The following LRRC34 variants were observed in gnomAD, a reference collection of about 807,000 sequenced individuals.
LRRC34 encodes the protein leucine rich repeat containing 34, also known as leucine-rich repeat-containing protein 34.
In LRRC34, 44 loss-of-function variants were observed where a neutral mutation model predicts 48.5. The observed-to-expected ratio is 0.91, with a 90% CI of 0.71 to 1.17. The LOEUF (loss-of-function observed/expected upper bound fraction) is 1.17, where lower values mean the gene tolerates loss of function less well. LRRC34 is among the 50% of genes most tolerant of loss of function. The pLI is 0.00. For missense variants in LRRC34, 502 were observed against 563.0 expected (o/e 0.89, Z 1.10); for synonymous variants, 192 against 197.6 (o/e 0.97, Z 0.24).
intron 1 of LRRC34, among the ~76,000 whole-genome samples, chr3:169,809,052 C>T (rs775492526): frequency 5.3e-5 from 8 of 152,086 alleles, no homozygotes; most frequent in Non-Finnish European, 2.9e-5. Context: ...CATTATGTGC[C>T]AGGCCTGGTA....
At position 169,804,156 on chromosome 3, in the gene LRRC34, C is replaced by A; in HGVS notation, c.554G>T (p.Arg185Ile). The A allele has an allele frequency of 6.3e-7, 1 of 1,597,592 alleles. No individual in the cohort carries two copies. The highest frequency in any genetic ancestry group is 8.5e-7 in the Non-Finnish European group (1 of 1,171,922). The change falls in exon 6 of 11, where the codon AGA becomes ATA. Residue 185 changes from arginine to isoleucine, a missense_variant. Arg to Ile is a moderately conservative substitution (Grantham distance 97). Coordinates refer to ENST00000446859, the MANE Select transcript of LRRC34 (RefSeq NM_001172779.2). ...ATTTTCAATTTTGTTTCCAGTCATT[C>A]TTAGGTATTTCAGAGTCCGATTCTT... ...LHKNRTLKYL[R>I]MTGNKIENKG...
intron 10 of LRRC34, 141 bp downstream of exon 10, chr3:169,795,340 GTAGT>G: frequency 4.0e-6 from 3 of 747,610 alleles, no homozygotes; most frequent in Non-Finnish European, 5.9e-6. Context: ...AAACTCTCTA[GTAGT>G]TAATTTTAAG....
At chr3:169,805,775 T>G (rs1043736022) in intron 5 of LRRC34, among the ~76,000 whole-genome samples, 50 of 151,864 alleles carry the variant, frequency 3.3e-4, no homozygotes, top group African/African-American at 1.2e-3. Flanking sequence ...TCCCAGCTAC[T>G]TGGGAGGCTG....
At position 169,803,941 on chromosome 3, in the gene LRRC34, T is replaced by C. The variant is rs539151583; in HGVS notation, c.657+112A>G. On this transcript the variant is annotated intron_variant, in intron 6 of 10. Transcript: ENST00000446859. Reference sequence around the variant, plus strand: ...CTATTATGTCTAGGGGAAAAACACCTTTTCTCTGATATTAGACATAAGAGG... The same window carrying C: ...CTATTATGTCTAGGGGAAAAACACCCTTTCTCTGATATTAGACATAAGAGG... 3.1e-4 allele frequency: 323 copies of C among 1,049,398 alleles called. No individual in the cohort carries two copies. In the Middle Eastern group the frequency reaches 3.8e-3, roughly 12 times the overall value. 65.0% of individuals were successfully genotyped at this position (1,049,398 alleles called of 1,614,324 possible).
chr3:169,810,994 G>A (rs549690908), intron 1 of LRRC34, among the ~76,000 whole-genome samples: 2 of 152,332 alleles, frequency 1.3e-5, no homozygotes, highest in African/African-American at 2.4e-5. Flanking sequence ...AATGCGGGAG[G>A]TGGAGGTTAC....
In LRRC34 at chr3:169,812,096, C is replaced by G. The variant is rs779846949; in HGVS notation, c.139+314G>C. Among the ~76,000 whole-genome samples the G allele has an allele frequency of 2.0e-5, 3 of 152,080 alleles. No homozygotes were observed. Among genetic ancestry groups the G allele is most frequent in the African/African-American group, 7.2e-5 (3 of 41,432 alleles). On this transcript the variant is annotated intron_variant, in intron 1 of 10. Coordinates refer to ENST00000446859, the MANE Select transcript of LRRC34 (RefSeq NM_001172779.2). This position sits in a 1 kb window ranked among gnomAD's most constrained non-coding sequence, Gnocchi z 4.3. ...GCTGAGAAGAGCCCCCCCGCCACCC[C>G]CTCCCGGAGACCCTGAGAGCACGGC...
intron 5 of LRRC34, among the ~76,000 whole-genome samples, chr3:169,804,616 A>C (rs973009610): frequency 6.6e-5 from 10 of 152,214 alleles, no homozygotes; most frequent in Admixed American, 2.6e-4. Flanking sequence ...TATACCTTAA[A>C]GGTAACATTC....
At chr3:169,796,182 G>A (rs1778980012) in intron 9 of LRRC34, 32 bp downstream of exon 9, 1 of 1,556,838 alleles carries the variant, frequency 6.4e-7, no homozygotes, top group Non-Finnish European at 8.6e-7. Context: ...TTGCTTTTCT[G>A]TTATTTTGAT....
chr3:169,807,359 T>C, intron 4 of LRRC34, 67 bp downstream of exon 4: 2 of 1,395,834 alleles, frequency 1.4e-6, no homozygotes, highest in Non-Finnish European at 2.0e-6. Context: ...GTGTTTTATG[T>C]GTGTGTCATT....
intron 6 of LRRC34, among the ~76,000 whole-genome samples, chr3:169,803,335 C>T (rs1779261136): frequency 6.6e-6 from 1 of 152,214 alleles, no homozygotes; most frequent in Non-Finnish European, 1.5e-5. Flanking sequence ...CCACCTCAGC[C>T]TCCTGAATAG....
intron 6 of LRRC34, among the ~76,000 whole-genome samples, chr3:169,801,091 T>G (rs1194249513): frequency 6.6e-6 from 1 of 152,184 alleles, no homozygotes; most frequent in African/African-American, 2.4e-5. Flanking sequence ...CACACATCAT[T>G]GTGCAAGCAC....
chr3:169,798,459 C>CA (rs1278070666), intron 7 of LRRC34, among the ~76,000 whole-genome samples: 4 of 152,120 alleles, frequency 2.6e-5, no homozygotes, highest in African/African-American at 9.7e-5. Flanking sequence ...AAAACCCGTA[C>CA]ATGGAATAGA....
At chr3:169,793,896 G>T in intron 10 of LRRC34, 58 bp from the exon 11 acceptor site, 1 of 1,186,450 alleles carries the variant, frequency 8.4e-7, no homozygotes, top group Non-Finnish European at 1.2e-6. Flanking sequence ...AATTTACAGT[G>T]CTTACGGAAA....
At chr3:169,798,976 G>A (rs1779092547) in intron 7 of LRRC34, among the ~76,000 whole-genome samples, 1 of 152,182 alleles carries the variant, frequency 6.6e-6, no homozygotes, top group African/African-American at 2.4e-5. Context: ...CTAGCATTGT[G>A]TCTTGTTTAA....
chr3:169,800,606 A>G, intron 7 of LRRC34, 53 bp downstream of exon 7: 1 of 1,099,224 alleles, frequency 9.1e-7, no homozygotes. Flanking sequence ...TTGTAGTAGT[A>G]CCTTAGTTTT....
At chr3:169,803,916 C>G (rs117534672) in intron 6 of LRRC34, 137 bp downstream of exon 6, 2 of 668,458 alleles carry the variant, frequency 3.0e-6, no homozygotes, top group Non-Finnish European at 4.6e-6. Flanking sequence ...ATAATCTGCA[C>G]TATTATGTCT....
intron 8 of LRRC34, 154 bp from the exon 9 acceptor site, chr3:169,796,523 A>G (rs1272202706): frequency 1.0e-6 from 1 of 1,000,808 alleles, no homozygotes; most frequent in Non-Finnish European, 1.4e-6. Context: ...ATTCACCATA[A>G]AATATTGCTT....
intron 6 of LRRC34, among the ~76,000 whole-genome samples, chr3:169,803,435 T>C (rs1779264481): frequency 6.6e-6 from 1 of 152,206 alleles, no homozygotes; most frequent in Non-Finnish European, 1.5e-5. Flanking sequence ...TATAAGTAAC[T>C]ACTAAAAAGT....
intron 9 of LRRC34, 152 bp from the exon 10 acceptor site, chr3:169,795,763 G>A: frequency 7.5e-7 from 1 of 1,342,200 alleles, no homozygotes; most frequent in Non-Finnish European, 9.6e-7. Flanking sequence ...AAGAAACTTA[G>A]TTTTCTAATT....
Sources: gnomAD v4.1 joint callset for allele counts (sites outside exome capture counted in the v4.1 genomes callset) on GRCh38, gnomAD v4.1.1 for gene constraint, Gnocchi (gnomAD v3.1) non-coding constraint, MANE v1.5 for transcripts, NCBI Gene and HGNC (gene_info 2026-07-23, HGNC 2026-07-21) for gene names.